The following TG variants were observed in gnomAD, a reference collection of about 807,000 sequenced individuals.
TG encodes thyroid hormones.
TG carries 270 observed loss-of-function variants against 324.7 expected under a neutral mutation model. The ratio of observed to expected loss-of-function variants is 0.83; its 90% CI spans 0.75 to 0.92. The LOEUF (loss-of-function observed/expected upper bound fraction) is 0.92, where lower values mean the gene tolerates loss of function less well. Among genes scored for constraint, TG ranks in the 40% least tolerant of loss-of-function variants. The pLI, the probability that TG is intolerant of heterozygous loss-of-function variation, is 0.00. For synonymous variants in TG, 1,401 were observed against 1,327.0 expected (o/e 1.06, Z -1.21); for missense variants, 3,591 against 3,456.4 (o/e 1.04, Z -0.98).
Position 132,929,105 on chromosome 8 carries a change from T to A in TG, c.4729T>A (p.Ser1577Thr). ...GCAGAAGTTTGAGAAGGTTCCAGAA[T>A]CAAAGGTGATCTTCGACGCCAATGC... ...MMQKFEKVPE[S>T]KVIFDANAPV... The change falls in exon 23 of 48, where the codon TCA (serine) becomes ACA (threonine). Residue 1577 changes from serine (S) to threonine (T), a missense_variant. By Grantham distance (58) the Ser-to-Thr change is moderately conservative (BLOSUM62 1). Transcript: ENST00000220616. The A allele has an allele frequency of 6.2e-7, 1 of 1,614,052 alleles. No individual in the cohort carries two copies. Among genetic ancestry groups the A allele is most frequent in the South Asian group, 1.1e-5 (1 of 91,080 alleles).
chr8:132,929,220 CAGA>C (rs1276803364), intron 23 of TG, 28 bp downstream of exon 23: 1 of 1,545,902 alleles, frequency 6.5e-7, no homozygotes, highest in African/African-American at 1.4e-5. Flanking sequence ...GATATGCACT[CAGA>C]AGAAGGTGTG....
intron 35 of TG, among the ~76,000 whole-genome samples, chr8:133,011,016 A>T (rs1208144912): frequency 2.6e-5 from 4 of 152,158 alleles, no homozygotes; most frequent in African/African-American, 7.2e-5. Context: ...ATAAAGGAAG[A>T]CGTCTTAGCT....
At chr8:133,131,744 GTGTT>G in intron 45 of TG, 64 bp from the exon 46 acceptor site, 1 of 1,600,258 alleles carries the variant, frequency 6.2e-7, no homozygotes, top group South Asian at 1.1e-5. Flanking sequence ...TTTTGTTTGT[GTGTT>G]TGTGTTTTTG....
At chr8:132,998,719 A>G (rs751503754) in intron 35 of TG, among the ~76,000 whole-genome samples, 3 of 152,254 alleles carry the variant, frequency 2.0e-5, no homozygotes, top group African/African-American at 4.8e-5. Context: ...ACTGTGGTCC[A>G]TATCAGCAAG....
chr8:133,045,826 A>T (rs1839275246), intron 41 of TG, among the ~76,000 whole-genome samples: 1 of 151,854 alleles, frequency 6.6e-6, no homozygotes, highest in South Asian at 2.1e-4. Flanking sequence ...CTTCCCGAGT[A>T]CTCTCCAAGA....
intron 35 of TG, chr8:133,002,187 T>G: frequency 1.0e-6 from 1 of 985,462 alleles, no homozygotes; most frequent in Non-Finnish European, 1.2e-6. Flanking sequence ...GTTTTTCAAA[T>G]GAGGGAGGCA....
intron 45 of TG, among the ~76,000 whole-genome samples, chr8:133,123,868 A>G (rs535515703): frequency 2.0e-5 from 3 of 152,358 alleles, no homozygotes; most frequent in Admixed American, 6.5e-5. Flanking sequence ...CAGTGGAGCT[A>G]GTAATAGCAC....
At chr8:133,072,275 A>G (rs1391353564) in intron 41 of TG, among the ~76,000 whole-genome samples, 1 of 152,224 alleles carries the variant, frequency 6.6e-6, no homozygotes, top group Non-Finnish European at 1.5e-5. Context: ...TAGAATTACC[A>G]TAATCAAATT....
At chr8:133,060,422 G>A in intron 41 of TG, 1 of 1,465,628 alleles carries the variant, frequency 6.8e-7, no homozygotes. Context: ...GAGGGAAGTT[G>A]CTAGCAAATG....
At chr8:133,092,521 C>T (rs988851003) in intron 41 of TG, among the ~76,000 whole-genome samples, 1 of 152,174 alleles carries the variant, frequency 6.6e-6, no homozygotes, top group African/African-American at 2.4e-5. Flanking sequence ...TGTCACTGCA[C>T]TAACCACAGT....
chr8:132,877,610 T>G (rs1404071232), intron 5 of TG, among the ~76,000 whole-genome samples: 2 of 152,220 alleles, frequency 1.3e-5, no homozygotes, highest in Non-Finnish European at 2.9e-5. Context: ...AGATGCCCAG[T>G]GGAGACCAGA....
intron 47 of TG, 111 bp from the exon 48 acceptor site, chr8:133,134,565 T>C: frequency 2.0e-6 from 2 of 1,006,540 alleles, no homozygotes; most frequent in Non-Finnish European, 3.2e-6. Flanking sequence ...TAAAGGGCAT[T>C]AGCAAGAAAT....
chr8:133,055,824 C>CCAGCAGCAGCAGCAGCAG (rs36210010), intron 41 of TG, among the ~76,000 whole-genome samples: 1 of 150,782 alleles, frequency 6.6e-6, no homozygotes, highest in Non-Finnish European at 1.5e-5. Flanking sequence ...CTCCTCATCA[C>CCAGCAGCAGCAGCAGCAG]CAGCAGCAGC....
chr8:133,046,272 C>A (rs939486350), intron 41 of TG, among the ~76,000 whole-genome samples: 4 of 152,180 alleles, frequency 2.6e-5, no homozygotes, highest in Non-Finnish European at 5.9e-5. Context: ...GCCATGAAAT[C>A]TCTATTAATT....
chr8:132,999,742 C>T lies in TG; in HGVS notation c.6263-12159C>T, dbSNP rs539106033. 2.5e-4 allele frequency among the ~76,000 whole-genome samples: 38 copies of T among 152,306 alleles called. No homozygotes were observed. In the South Asian group the frequency reaches 7.2e-3, roughly 29 times the overall value. On this transcript the variant is annotated intron_variant, in intron 35 of 47. Coordinates refer to ENST00000220616, the MANE Select transcript of TG (RefSeq NM_003235.5). ...TGGTGAGGCCTACAATATTTACTAC[C>T]TGGCTCTTTACTATCTTCTCAGTGA...
intron 41 of TG, chr8:133,058,950 G>A: frequency 2.1e-6 from 1 of 479,778 alleles, no homozygotes; most frequent in Non-Finnish European, 4.2e-6. Context: ...TTGGCATGCT[G>A]GCTTGGGGGC....
At position 133,106,373 on chromosome 8, in the gene TG, C is replaced by A. The variant is rs540551867; in HGVS notation, c.7573-7049C>A. ...TGCCTGGGGCCAATGCAAGGACACC[C>A]AGCCTGGCCTGCTCTGTGTTCCATG... On this transcript the variant is annotated intron_variant, in intron 43 of 47. Transcript: ENST00000220616. The A allele has an allele frequency of 7.2e-5, 71 of 983,982 alleles. No homozygotes were observed. In the African/African-American group the frequency reaches 1.2e-3, roughly 16 times the overall value. The allele number at this position is 983,982 out of a possible 1,614,324, so 61.0% of individuals were successfully genotyped here.
Position 132,917,043 on chromosome 8 carries a change from C to CTCCTTCCTTCCT in TG, c.4379-2301_4379-2290dup, listed in dbSNP as rs1268389871. Among the ~76,000 whole-genome samples the CTCCTTCCTTCCT allele has an allele frequency of 2.0e-3, 99 of 48,838 alleles. 1 individual carries two copies. The highest frequency in any genetic ancestry group is 4.6e-3 in the African/African-American group (73 of 15,962). The allele number at this position is 48,838 out of a possible 152,430, so 32.0% of individuals were successfully genotyped here. ...CCTCCATGCCTCCCTCCCTCCCTCC[C>CTCCTTCCTTCCT]TCCTTCCTTCCTTCCTTCCTTCCTT... On this transcript the variant is annotated intron_variant, in intron 20 of 47. Coordinates refer to ENST00000220616, the MANE Select transcript of TG (RefSeq NM_003235.5).
chr8:132,982,301 C>T (rs1333933595), intron 34 of TG, among the ~76,000 whole-genome samples: 1 of 152,136 alleles, frequency 6.6e-6, no homozygotes, highest in Non-Finnish European at 1.5e-5. Context: ...TGACTGCTGG[C>T]CATGCTACAT....
Sources: allele counts gnomAD v4.1 joint callset (sites outside exome capture counted in the v4.1 genomes callset), GRCh38; gene constraint gnomAD v4.1.1; transcripts MANE v1.5; gene names NCBI Gene and HGNC (gene_info 2026-07-23, HGNC 2026-07-21).